TMEM161A: variants seen among roughly 807,000 people sequenced by gnomAD.
The protein encoded by TMEM161A is adaptive response to oxidative stress protein 29.
Under a neutral mutation model 57.1 loss-of-function variants are expected in TMEM161A, and 46 were observed. That is an observed-to-expected ratio of 0.81 (90% confidence interval 0.64 to 1.03). TMEM161A has a LOEUF of 1.03. Among genes scored for constraint, TMEM161A ranks in the 50% least tolerant of loss-of-function variants. The probability of loss-of-function intolerance (pLI) is 0.00; values close to 1 mark genes in which losing one functional copy is unlikely to be tolerated. For missense variants in TMEM161A, 601 were observed against 621.5 expected (o/e 0.97, Z 0.35); for synonymous variants, 288 against 279.0 (o/e 1.03, Z -0.32).
chr19:19,138,332 A>AG lies in TMEM161A; in HGVS notation c.3+93dup. 3 of 1,533,998 alleles carry AG rather than the reference A, an allele frequency of 2.0e-6. No homozygotes were observed. In the East Asian group the frequency reaches 7.3e-5, roughly 38 times the overall value. ...CCCTCAGAGCCTCCAATCCCCAAGA[A>AG]GAAACCCCAATCCATTCCCTCAGTG... is the stretch of plus-strand genomic sequence containing the variant. On this transcript the variant is annotated intron_variant, in intron 1 of 11. Transcript: ENST00000162044.
chr19:19,130,088 A>C lies in TMEM161A; in HGVS notation c.595+68T>G. 13 of 1,582,366 alleles carry C rather than the reference A, an allele frequency of 8.2e-6. 1 individual carries two copies. In the South Asian group the frequency reaches 1.3e-4, roughly 16 times the overall value. Reference sequence around the variant, plus strand: ...CTCGTGCTGGACACGGAGCCAGTTAAACCATCTTGGTCAGATTACATGAGG... The same window carrying C: ...CTCGTGCTGGACACGGAGCCAGTTACACCATCTTGGTCAGATTACATGAGG... On this transcript the variant is annotated intron_variant, in intron 6 of 11. Coordinates refer to ENST00000162044, the MANE Select transcript of TMEM161A (RefSeq NM_017814.3).
In TMEM161A at chr19:19,133,873, G is replaced by A. The variant is rs1409180099; in HGVS notation, c.108-663C>T. ...CAGATTTGACTTTCTGGGCTCAAAC[G>A]ATCCTCCTGCCTCAGACTCCTGATT... On this transcript the variant is annotated intron_variant, in intron 2 of 11. Coordinates refer to ENST00000162044, the MANE Select transcript of TMEM161A (RefSeq NM_017814.3). Among the ~76,000 whole-genome samples, 11 of 152,084 alleles carry A rather than the reference G, an allele frequency of 7.2e-5. No homozygotes were observed. The East Asian group carries it at 7.7e-4, about 11-fold the overall frequency.
chr19:19,136,540 C>T (rs955546319), intron 1 of TMEM161A, among the ~76,000 whole-genome samples: 4 of 152,022 alleles, frequency 2.6e-5, no homozygotes, highest in Non-Finnish European at 5.9e-5. Context: ...CCTGTAATCC[C>T]AGCTACTTGG....
intron 6 of TMEM161A, among the ~76,000 whole-genome samples, chr19:19,125,469 G>A (rs555244930): frequency 6.6e-6 from 1 of 150,594 alleles, no homozygotes; most frequent in African/African-American, 2.4e-5. Context: ...TCCTGCCTCA[G>A]CCTCCCGAGT....
At chr19:19,120,304 T>C in intron 11 of TMEM161A, 121 bp from the exon 12 acceptor site, 3 of 911,004 alleles carry the variant, frequency 3.3e-6, no homozygotes, top group South Asian at 3.6e-5. Flanking sequence ...TCAGACTCCA[T>C]CTCCAGCCCA....
rs1420105902 is a variant in TMEM161A at position 19,121,610 on chromosome 19, C to T, written c.715G>A (p.Gly239Ser). The change falls in exon 8 of 12, where the codon GGT becomes AGT. Residue 239 changes from glycine to serine, a missense_variant. Coordinates refer to ENST00000162044, the MANE Select transcript of TMEM161A (RefSeq NM_017814.3). The surrounding 1 kb of genome is among the most constrained non-coding windows in gnomAD (Gnocchi z 5.8). ...AGGCCTGGGAAGGTGAGGAAGGCACCCAGCACAGAGCCCACCACTGCCAGT... is the reference window on the plus strand; with the variant it reads ...AGGCCTGGGAAGGTGAGGAAGGCACTCAGCACAGAGCCCACCACTGCCAGT... ...VGLAVVGSVL[G>S]AFLTFPGLRL... The T allele has an allele frequency of 6.2e-7, 1 of 1,613,948 alleles. No homozygotes were observed. The highest frequency in any genetic ancestry group is 1.3e-5 in the African/African-American group (1 of 75,032).
intron 6 of TMEM161A, among the ~76,000 whole-genome samples, chr19:19,127,524 A>C (rs539813518): frequency 6.6e-6 from 1 of 151,818 alleles, no homozygotes; most frequent in Non-Finnish European, 1.5e-5. Context: ...GAGTTTCACC[A>C]TGTTAGCCAG....
Position 19,126,279 on chromosome 19 carries a change from CACTT to C in TMEM161A, c.595+3873_595+3876del, listed in dbSNP as rs140488445. Among the ~76,000 whole-genome samples, 1,411 of 152,206 alleles carry C rather than the reference CACTT, an allele frequency of 9.3e-3. 21 individuals carry two copies. Among genetic ancestry groups the C allele is most frequent in the African/African-American group, 0.032 (1,310 of 41,532 alleles). On this transcript the variant is annotated intron_variant, in intron 6 of 11. Coordinates refer to ENST00000162044, the MANE Select transcript of TMEM161A (RefSeq NM_017814.3). ...CCATTCATCAAGACACTAGAGGTGACACTTACAACTACATTTGACGACTCAGCAA... is the reference window on the plus strand; with the variant it reads ...CCATTCATCAAGACACTAGAGGTGACACAACTACATTTGACGACTCAGCAA...
intron 6 of TMEM161A, 144 bp downstream of exon 6, chr19:19,130,012 A>G: frequency 1.2e-6 from 1 of 844,946 alleles, no homozygotes; most frequent in Non-Finnish European, 1.8e-6. Context: ...AGGAGCTGAG[A>G]TGGTCACTAA....
chr19:19,129,791 C>T (rs1276644910), intron 6 of TMEM161A, among the ~76,000 whole-genome samples: 1 of 151,444 alleles, frequency 6.6e-6, no homozygotes, highest in Non-Finnish European at 1.5e-5. Flanking sequence ...ACCCATAATC[C>T]CAGCTTGGGA....
chr19:19,132,585 C>A lies in TMEM161A; in HGVS notation c.286+72G>T. ...TAGAACATTCTTCCTTCAAATCCTC[C>A]CCACCCCCATGAGGGTGTGGAGACC... is the stretch of plus-strand genomic sequence containing the variant. On this transcript the variant is annotated intron_variant, in intron 4 of 11. Transcript: ENST00000162044. This position sits in a 1 kb window ranked among gnomAD's most constrained non-coding sequence, Gnocchi z 4.3. The A allele has an allele frequency of 6.4e-7, 1 of 1,574,474 alleles. No individual in the cohort carries two copies.
In TMEM161A at chr19:19,134,807, C is replaced by A. The variant is rs2059977166; in HGVS notation, c.84G>T (p.Ala28=). 1.3e-6 allele frequency: 2 copies of A among 1,586,702 alleles called. No homozygotes were observed. Among genetic ancestry groups the A allele is most frequent in the Non-Finnish European group, 1.7e-6 (2 of 1,168,226 alleles). Residue 28 remains alanine (A), a synonymous_variant, in exon 2 of 12, where the codon GCG becomes GCT. Transcript: ENST00000162044. ...MHRLAPHCSF[A]RWLLCNGSLF... is the part of the protein sequence containing the mutation. ...ACCTGCCGTTACAGAGCAGCCAGCGCGCGAAGGAGCAGTGTGGCGCCAGCC... is the reference window on the plus strand; with the variant it reads ...ACCTGCCGTTACAGAGCAGCCAGCGAGCGAAGGAGCAGTGTGGCGCCAGCC...
At chr19:19,134,654 C>G in intron 2 of TMEM161A, 130 bp downstream of exon 2, 1 of 639,274 alleles carries the variant, frequency 1.6e-6, no homozygotes. Context: ...TTCAATTACA[C>G]CTCAACAACG....
In TMEM161A at chr19:19,121,718, C is replaced by T. The variant is rs751838620; in HGVS notation, c.656+41G>A. ...CTGCCTGGGGGACCCTGGGAGGGTC[C>T]CAGCCTGCCCTTGCCTCCCTCCCCC... On this transcript the variant is annotated intron_variant, in intron 7 of 11. Transcript: ENST00000162044. This position sits in a 1 kb window ranked among gnomAD's most constrained non-coding sequence, Gnocchi z 5.8. 1 of 1,613,376 alleles carries T rather than the reference C, an allele frequency of 6.2e-7. No homozygotes were observed. The highest frequency in any genetic ancestry group is 2.2e-5 in the East Asian group (1 of 44,848).
intron 1 of TMEM161A, among the ~76,000 whole-genome samples, chr19:19,136,304 T>A (rs1163862324): frequency 1.3e-5 from 2 of 152,082 alleles, no homozygotes; most frequent in Non-Finnish European, 2.9e-5. Flanking sequence ...ATAAATAAGC[T>A]AAATTTAGTC....
At chr19:19,125,516 T>A (rs1457742014) in intron 6 of TMEM161A, among the ~76,000 whole-genome samples, 2 of 132,846 alleles carry the variant, frequency 1.5e-5, no homozygotes, top group African/African-American at 5.8e-5. Flanking sequence ...TTGCCCAGCT[T>A]TTTTTTTTTT....
At position 19,121,889 on chromosome 19, in the gene TMEM161A, C is replaced by G. The variant is rs1273062588; in HGVS notation, c.596-70G>C. The G allele has an allele frequency of 6.5e-7, 1 of 1,535,540 alleles. No homozygotes were observed. Among genetic ancestry groups the G allele is most frequent in the Admixed American group, 1.8e-5 (1 of 56,364 alleles). ...TCTCTAAGGCCACTCTGTTCCCTAACCCCCCATCCCTCAGGCATCCGTTTG... is the reference window on the plus strand; with the variant it reads ...TCTCTAAGGCCACTCTGTTCCCTAAGCCCCCATCCCTCAGGCATCCGTTTG... On this transcript the variant is annotated intron_variant, in intron 6 of 11. Transcript: ENST00000162044. This position sits in a 1 kb window ranked among gnomAD's most constrained non-coding sequence, Gnocchi z 5.8.
At position 19,121,213 on chromosome 19, in the gene TMEM161A, A is replaced by C; in HGVS notation, c.915-47T>G. 3 of 1,551,660 alleles carry C rather than the reference A, an allele frequency of 1.9e-6. No homozygotes were observed. In the South Asian group the frequency reaches 3.6e-5, roughly 18 times the overall value. The stretch of plus-strand genomic sequence containing the variant: ...CAAGGGACTAAGAAGGTCGCCCCCG[A>C]CCCCCCAGGATCTTCCCCAGGCTCC... On this transcript the variant is annotated intron_variant, in intron 9 of 11. Coordinates refer to ENST00000162044, the MANE Select transcript of TMEM161A (RefSeq NM_017814.3). This position sits in a 1 kb window ranked among gnomAD's most constrained non-coding sequence, Gnocchi z 5.8.
chr19:19,121,038 A>G lies in TMEM161A; in HGVS notation c.1043T>C (p.Leu348Pro), dbSNP rs1663293396. 6.2e-7 allele frequency: 1 copy of G among 1,611,240 alleles called. No homozygotes were observed. Among genetic ancestry groups the G allele is most frequent in the Non-Finnish European group, 8.5e-7 (1 of 1,178,940 alleles). The change falls in exon 10 of 12, where the codon CTG (leucine) becomes CCG (proline). Residue 348 changes from leucine (L) to proline (P), a missense_variant. Coordinates refer to ENST00000162044, the MANE Select transcript of TMEM161A (RefSeq NM_017814.3). This position sits in a 1 kb window ranked among gnomAD's most constrained non-coding sequence, Gnocchi z 5.8. ...TTCGATGCGGCCAGCCTCCCTTCGC[A>G]GCTGCTCCACCCGGGCCTTGGCCAG... ...LCLAKARVEQ[L>P]RREAGRIEAR...
Sources: gnomAD v4.1 joint callset for allele counts (sites outside exome capture counted in the v4.1 genomes callset) on GRCh38, gnomAD v4.1.1 for gene constraint, Gnocchi (gnomAD v3.1) non-coding constraint, MANE v1.5 for transcripts, NCBI Gene and HGNC (gene_info 2026-07-23, HGNC 2026-07-21) for gene names.